Variants in SORCS2 observed in about 807,000 individuals in gnomAD.
The protein encoded by SORCS2 is VPS10 domain-containing receptor SorCS2.
Under a neutral mutation model 141.6 loss-of-function variants are expected in SORCS2, and 100 were observed. The observed-to-expected ratio is 0.71, with a 90% CI of 0.60 to 0.83. SORCS2 has a LOEUF of 0.83. SORCS2 is among the 40% of genes least tolerant of loss of function. The probability of loss-of-function intolerance (pLI) is 0.00; values close to 1 mark genes in which losing one functional copy is unlikely to be tolerated. For missense variants in SORCS2, 1,646 were observed against 1,560.2 expected (o/e 1.05, Z -0.93); for synonymous variants, 789 against 676.9 (o/e 1.17, Z -2.57).
At chr4:7,493,612 C>T (rs4314286) in intron 2 of SORCS2, among the ~76,000 whole-genome samples, 146,138 of 152,230 alleles carry the variant, frequency 0.96, 70,370 homozygotes, top group East Asian at 1. Context: ...CTCCGATTAC[C>T]GGCTGGCTAC....
At chr4:7,210,775 C>T (rs1728017484) in intron 1 of SORCS2, among the ~76,000 whole-genome samples, 1 of 152,208 alleles carries the variant, frequency 6.6e-6, no homozygotes, top group Admixed American at 6.5e-5. Flanking sequence ...AAGTGCTGGG[C>T]ACCGAGCTTG....
At chr4:7,440,732 C>G (rs960677684) in intron 2 of SORCS2, among the ~76,000 whole-genome samples, 4 of 152,236 alleles carry the variant, frequency 2.6e-5, no homozygotes, top group African/African-American at 9.6e-5. Context: ...CTGCCCTTCC[C>G]AAGTCTCCTG....
chr4:7,400,180 T>C (rs1724481966), intron 2 of SORCS2, among the ~76,000 whole-genome samples: 2 of 144,996 alleles, frequency 1.4e-5, no homozygotes, highest in Admixed American at 1.4e-4. Flanking sequence ...TCTCAGCTCC[T>C]CCCACTCTAC....
intron 1 of SORCS2, among the ~76,000 whole-genome samples, chr4:7,322,067 G>A (rs1033689514): frequency 1.4e-4 from 21 of 152,184 alleles, no homozygotes; most frequent in Admixed American, 5.9e-4. Context: ...CATGAGGCTC[G>A]TAGAGGGCCT....
At chr4:7,518,269 C>T (rs981360096) in intron 2 of SORCS2, among the ~76,000 whole-genome samples, 3 of 152,104 alleles carry the variant, frequency 2.0e-5, no homozygotes, top group African/African-American at 7.2e-5. Context: ...AGATAGATTC[C>T]AGGTCACAGG....
intron 3 of SORCS2, among the ~76,000 whole-genome samples, chr4:7,584,672 C>A (rs1007985416): frequency 1.3e-5 from 2 of 152,196 alleles, no homozygotes; most frequent in Admixed American, 6.5e-5. Flanking sequence ...TGCATCCCTT[C>A]CTAACGCAGA....
rs1178394826 is a variant in SORCS2, at chr4:7,531,634, G to T, written c.648+5G>T. The T allele has an allele frequency of 6.2e-6, 10 of 1,611,896 alleles. No individual in the cohort carries two copies. The highest frequency in any genetic ancestry group is 8.5e-6 in the Non-Finnish European group (10 of 1,178,758). ...TGCCCGACCAACAAGAGGAAGGTAG[G>T]TGCTGGCTGGGGGTGGCCGCCACTC... is the stretch of plus-strand genomic sequence containing the variant. On this transcript the variant is annotated splice_donor_5th_base_variant and intron_variant, in intron 3 of 26. Coordinates refer to ENST00000507866, the MANE Select transcript of SORCS2 (RefSeq NM_020777.3).
intron 10 of SORCS2, among the ~76,000 whole-genome samples, chr4:7,683,138 AC>A (rs1203433617): frequency 6.6e-6 from 1 of 152,040 alleles, no homozygotes; most frequent in African/African-American, 2.4e-5. Flanking sequence ...ACCACCCAAA[AC>A]AACAACATTT....
At chr4:7,339,115 G>T (rs1295131598) in intron 1 of SORCS2, among the ~76,000 whole-genome samples, 1 of 152,234 alleles carries the variant, frequency 6.6e-6, no homozygotes, top group African/African-American at 2.4e-5. Context: ...GATGTGAACT[G>T]TGGCCCGTGA....
At chr4:7,692,606 AG>A (rs1329486430) in intron 11 of SORCS2, among the ~76,000 whole-genome samples, 2 of 152,216 alleles carry the variant, frequency 1.3e-5, no homozygotes, top group Non-Finnish European at 2.9e-5. Flanking sequence ...GCTAAGACTC[AG>A]CTGCTCGGGG....
chr4:7,331,952 G>A (rs988875145), intron 1 of SORCS2, among the ~76,000 whole-genome samples: 5 of 152,296 alleles, frequency 3.3e-5, no homozygotes, highest in East Asian at 1.9e-4. Context: ...TGTATCCAGC[G>A]TCCGCCCTCT....
chr4:7,673,599 A>G (rs907099987), intron 8 of SORCS2, among the ~76,000 whole-genome samples: 58 of 152,302 alleles, frequency 3.8e-4, no homozygotes, highest in Non-Finnish European at 7.1e-4. Context: ...CCAAACGTAA[A>G]CATTTGAAAA....
chr4:7,670,142 A>T (rs1023165749), intron 8 of SORCS2, among the ~76,000 whole-genome samples: 4 of 152,214 alleles, frequency 2.6e-5, no homozygotes, highest in Non-Finnish European at 5.9e-5. Flanking sequence ...GTCACAAACA[A>T]AGTTGGAATA....
intron 1 of SORCS2, among the ~76,000 whole-genome samples, chr4:7,258,142 T>A (rs375758051): frequency 2.8e-4 from 43 of 152,318 alleles, no homozygotes; most frequent in South Asian, 1.7e-3. Flanking sequence ...CCTTTCTTTT[T>A]AAAAAAATTT....
intron 1 of SORCS2, among the ~76,000 whole-genome samples, chr4:7,369,492 T>G (rs1205583251): frequency 6.6e-6 from 1 of 152,202 alleles, no homozygotes; most frequent in Non-Finnish European, 1.5e-5. Context: ...ATGAGGAAAC[T>G]GAGGCACAGA....
At chr4:7,538,721 A>C (rs950810031) in intron 3 of SORCS2, among the ~76,000 whole-genome samples, 10 of 152,126 alleles carry the variant, frequency 6.6e-5, no homozygotes, top group Non-Finnish European at 1.5e-4. Flanking sequence ...CAGATATGAG[A>C]AGCACAGGGT....
intron 2 of SORCS2, among the ~76,000 whole-genome samples, chr4:7,515,643 G>A (rs549302344): frequency 1.3e-5 from 2 of 152,146 alleles, no homozygotes; most frequent in East Asian, 1.9e-4. Context: ...CCCTGCAGAC[G>A]TAAGCCTTTG....
chr4:7,273,287 T>C (rs549510258), intron 1 of SORCS2, among the ~76,000 whole-genome samples: 43 of 152,172 alleles, frequency 2.8e-4, no homozygotes, highest in Middle Eastern at 3.4e-3. Flanking sequence ...GGAAGGTGGA[T>C]GGAGAGAAGA....
At chr4:7,672,948 T>G (rs190298711) in intron 8 of SORCS2, among the ~76,000 whole-genome samples, 6 of 152,192 alleles carry the variant, frequency 3.9e-5, no homozygotes, top group African/African-American at 1.4e-4. Context: ...ATAACAAATA[T>G]TGGCAACGTT....
Sources: gnomAD v4.1 joint callset for allele counts (sites outside exome capture counted in the v4.1 genomes callset) on GRCh38, gnomAD v4.1.1 for gene constraint, MANE v1.5 for transcripts, NCBI Gene and HGNC (gene_info 2026-07-23, HGNC 2026-07-21) for gene names.